The following STPG2 variants were observed in gnomAD, a reference collection of about 807,000 sequenced individuals.
STPG2 encodes sperm-tail PG-rich repeat-containing protein 2.
Under a neutral mutation model 54.2 loss-of-function variants are expected in STPG2, and 56 were observed. That is an observed-to-expected ratio of 1.03 (90% confidence interval 0.83 to 1.29). The LOEUF is 1.29. Among genes scored for constraint, STPG2 ranks in the 50% most tolerant of loss-of-function variants. STPG2 has a pLI of 0.00. For synonymous variants in STPG2, 200 were observed against 181.8 expected, an observed-to-expected ratio of 1.10 and a Z score of -0.81; for missense variants, 596 against 544.9, an observed-to-expected ratio of 1.09 and a Z score of -0.93.
At chr4:98,130,159 C>A (rs1008094698) in intron 2 of STPG2, among the ~76,000 whole-genome samples, 1 of 151,200 alleles carries the variant, frequency 6.6e-6, no homozygotes, top group Admixed American at 6.6e-5. Context: ...CGTGCCCAGT[C>A]GTTTTTCTTT....
intron 5 of STPG2, among the ~76,000 whole-genome samples, chr4:98,078,944 A>T (rs2110114214): frequency 6.6e-6 from 1 of 152,302 alleles, no homozygotes; most frequent in South Asian, 2.1e-4. Context: ...TGTATTTATG[A>T]TGTAGAAGCA....
intron 5 of STPG2, among the ~76,000 whole-genome samples, chr4:98,015,524 G>A (rs573091602): frequency 2.0e-5 from 3 of 152,250 alleles, no homozygotes; most frequent in Non-Finnish European, 4.4e-5. Flanking sequence ...TCTCATGCCA[G>A]TTGGAATGGC....
intron 9 of STPG2, among the ~76,000 whole-genome samples, chr4:97,747,452 A>C (rs1383478899): frequency 6.6e-6 from 1 of 151,366 alleles, no homozygotes; most frequent in Non-Finnish European, 1.5e-5. Context: ...AAGACATACA[A>C]TTTAATTTCT....
At chr4:98,008,249 G>A (rs927689226) in intron 5 of STPG2, among the ~76,000 whole-genome samples, 2 of 151,846 alleles carry the variant, frequency 1.3e-5, no homozygotes, top group African/African-American at 4.8e-5. Context: ...AGACTTCTCA[G>A]CAGAAACCTT....
chr4:97,743,014 C>T (rs1213504924), intron 9 of STPG2, among the ~76,000 whole-genome samples: 2 of 151,296 alleles, frequency 1.3e-5, no homozygotes, highest in Non-Finnish European at 3.0e-5. Flanking sequence ...ATGTTGTATA[C>T]CTTAAATATA....
intron 8 of STPG2, among the ~76,000 whole-genome samples, chr4:97,852,150 G>A (rs949116934): frequency 2.6e-5 from 4 of 152,118 alleles, no homozygotes; most frequent in African/African-American, 9.7e-5. Context: ...TTGAACATGA[G>A]TTGTGAGAGA....
chr4:98,100,714 C>T (rs1239188514), intron 5 of STPG2, among the ~76,000 whole-genome samples: 4 of 128,684 alleles, frequency 3.1e-5, no homozygotes, highest in African/African-American at 5.9e-5. Context: ...CTTGCTCTGT[C>T]GCCCAGGCTG....
rs532055594 is a variant in STPG2, at chr4:97,850,164, C to T, written c.1045-9232G>A. Among the ~76,000 whole-genome samples, 11 of 146,844 alleles carry T rather than the reference C, an allele frequency of 7.5e-5. 1 individual carries two copies. The highest frequency in any genetic ancestry group is 4.3e-4 in the South Asian group (2 of 4,640). ...GAAACCATCATTCTCAGTAAACTAT[C>T]GCAAGAACAAAAAATCAAACACCGC... On this transcript the variant is annotated intron_variant, in intron 8 of 10. Transcript: ENST00000295268.
intron 9 of STPG2, among the ~76,000 whole-genome samples, chr4:97,779,490 A>T (rs7691460): frequency 1.9e-3 from 295 of 152,312 alleles, no homozygotes; most frequent in African/African-American, 7.0e-3. Flanking sequence ...GAATGGAACC[A>T]AACTGGAAAA....
At chr4:97,782,102 C>A (rs917534138) in intron 9 of STPG2, among the ~76,000 whole-genome samples, 1 of 152,146 alleles carries the variant, frequency 6.6e-6, no homozygotes. Context: ...CAGGAGAAAT[C>A]AATAAAGGGT....
chr4:97,847,346 T>G (rs1578617066), intron 8 of STPG2, among the ~76,000 whole-genome samples: 1 of 152,198 alleles, frequency 6.6e-6, no homozygotes, highest in East Asian at 1.9e-4. Flanking sequence ...AATACATGAC[T>G]TAGAAAGGAA....
intron 5 of STPG2, among the ~76,000 whole-genome samples, chr4:98,042,252 C>A (rs890625106): frequency 6.6e-6 from 1 of 151,072 alleles, no homozygotes; most frequent in African/African-American, 2.4e-5. Context: ...AGTGGTTTAT[C>A]AATTTTGTCT....
chr4:97,803,416 C>G (rs1380410029), intron 9 of STPG2, among the ~76,000 whole-genome samples: 1 of 152,048 alleles, frequency 6.6e-6, no homozygotes, highest in African/African-American at 2.4e-5. Flanking sequence ...CCCAATAAAA[C>G]ATTAACTTTT....
At chr4:97,737,729 G>C (rs748939201) in intron 9 of STPG2, among the ~76,000 whole-genome samples, 1 of 152,194 alleles carries the variant, frequency 6.6e-6, no homozygotes, top group South Asian at 2.1e-4. Flanking sequence ...CCATATCTAC[G>C]TCTCATCGGT....
chr4:97,938,855 G>T (rs1732862824), intron 8 of STPG2, among the ~76,000 whole-genome samples: 1 of 151,932 alleles, frequency 6.6e-6, no homozygotes, highest in Non-Finnish European at 1.5e-5. Flanking sequence ...TGCTGTTTTG[G>T]TTCTTCTCAG....
chr4:98,018,097 C>T (rs1024796410), intron 5 of STPG2, among the ~76,000 whole-genome samples: 2 of 151,876 alleles, frequency 1.3e-5, no homozygotes, highest in Non-Finnish European at 2.9e-5. Context: ...TATACATGTG[C>T]CATGTTGGTG....
At chr4:97,613,925 G>T (rs955006299) in intron 10 of STPG2, among the ~76,000 whole-genome samples, 1 of 151,826 alleles carries the variant, frequency 6.6e-6, no homozygotes, top group Non-Finnish European at 1.5e-5. Flanking sequence ...TTAAAAAATG[G>T]TATTTAGAAA....
At chr4:97,973,119 G>C (rs1734390921) in intron 6 of STPG2, among the ~76,000 whole-genome samples, 1 of 152,156 alleles carries the variant, frequency 6.6e-6, no homozygotes, top group African/African-American at 2.4e-5. Context: ...GAAAAATATG[G>C]GAAAGTTTGG....
At chr4:97,610,734 G>A (rs1415769750) in intron 10 of STPG2, among the ~76,000 whole-genome samples, 3 of 151,906 alleles carry the variant, frequency 2.0e-5, no homozygotes, top group Non-Finnish European at 4.4e-5. Flanking sequence ...AATGACCACC[G>A]GATATTAGTG....
Sources: allele counts gnomAD v4.1 joint callset (sites outside exome capture counted in the v4.1 genomes callset), GRCh38; gene constraint gnomAD v4.1.1; transcripts MANE v1.5; gene names NCBI Gene and HGNC (gene_info 2026-07-23, HGNC 2026-07-21).